ZCCHC17: variants seen among roughly 807,000 people sequenced by gnomAD.
The protein encoded by ZCCHC17 is zinc finger CCHC-type containing 17.
Under a neutral mutation model 30.6 loss-of-function variants are expected in ZCCHC17, and 18 were observed. The ratio of observed to expected loss-of-function variants is 0.59; its 90% CI spans 0.41 to 0.87. ZCCHC17 has a LOEUF of 0.87. ZCCHC17 is among the 40% of genes least tolerant of loss of function. The pLI is 0.00. For synonymous variants in ZCCHC17, 88 were observed against 92.4 expected, an observed-to-expected ratio of 0.95 and a Z score of 0.27; for missense variants, 263 against 284.2, an observed-to-expected ratio of 0.93 and a Z score of 0.54.
chr1:31,305,389 C>T (rs1376079933), intron 1 of ZCCHC17, among the ~76,000 whole-genome samples: 1 of 152,122 alleles, frequency 6.6e-6, no homozygotes, highest in African/African-American at 2.4e-5. Context: ...AAGTGATCCT[C>T]CTGCCTCAGC....
At chr1:31,321,736 G>C (rs1211361724) in intron 3 of ZCCHC17, among the ~76,000 whole-genome samples, 1 of 152,070 alleles carries the variant, frequency 6.6e-6, no homozygotes, top group Non-Finnish European at 1.5e-5. Flanking sequence ...CAGAGTGCTG[G>C]GATTAAAGGT....
rs142537261 is a variant in ZCCHC17 at position 31,319,699 on chromosome 1, C to T, written c.124+533C>T. 7.9e-3 allele frequency among the ~76,000 whole-genome samples: 1,194 copies of T among 152,072 alleles called. 22 individuals carry two copies. The highest frequency in any genetic ancestry group is 0.026 in the African/African-American group (1,098 of 41,458). ...AGCCGAAAAGGCAGGTTCCACAGAC[C>T]GGTTGTCTGCCCAGAGTGATTTGGC... On this transcript the variant is annotated intron_variant, in intron 3 of 7. Transcript: ENST00000344147.
chr1:31,333,755 G>A (rs914733857), intron 3 of ZCCHC17, among the ~76,000 whole-genome samples: 7 of 152,136 alleles, frequency 4.6e-5, no homozygotes, highest in African/African-American at 1.7e-4. Context: ...TGGTTATATG[G>A]AATCAGGTGA....
chr1:31,356,978 T>G (rs943210403), intron 7 of ZCCHC17, among the ~76,000 whole-genome samples: 1 of 152,226 alleles, frequency 6.6e-6, no homozygotes, highest in Non-Finnish European at 1.5e-5. Flanking sequence ...GGTCTGTGCT[T>G]TACTGGCCTC....
At chr1:31,313,068 CTTT>C (rs59004055) in intron 2 of ZCCHC17, among the ~76,000 whole-genome samples, 5 of 113,486 alleles carry the variant, frequency 4.4e-5, no homozygotes, top group African/African-American at 1.0e-4. Context: ...CACTGGGCCT[CTTT>C]TTTTTTTTTT....
chr1:31,313,068 CT>C (rs59004055), intron 2 of ZCCHC17, among the ~76,000 whole-genome samples: 6,356 of 113,376 alleles, frequency 0.056, 172 homozygotes, highest in South Asian at 0.2. Context: ...CACTGGGCCT[CT>C]TTTTTTTTTT....
At chr1:31,312,140 C>G (rs1484215891) in intron 2 of ZCCHC17, among the ~76,000 whole-genome samples, 4 of 152,186 alleles carry the variant, frequency 2.6e-5, no homozygotes, top group Non-Finnish European at 4.4e-5. Flanking sequence ...TATAGCAGCA[C>G]CAACAGACTA....
At chr1:31,361,256 G>C (rs1327137678) in intron 7 of ZCCHC17, among the ~76,000 whole-genome samples, 1 of 152,162 alleles carries the variant, frequency 6.6e-6, no homozygotes, top group Non-Finnish European at 1.5e-5. Context: ...AGGAAGAATT[G>C]TTATTTCATC....
intron 3 of ZCCHC17, among the ~76,000 whole-genome samples, chr1:31,320,569 C>T (rs763520209): frequency 1.3e-5 from 2 of 152,170 alleles, no homozygotes; most frequent in Non-Finnish European, 2.9e-5. Flanking sequence ...TGGAATAATG[C>T]AGTATATAGT....
At chr1:31,335,402 G>A (rs571822591) in intron 3 of ZCCHC17, among the ~76,000 whole-genome samples, 44 of 152,322 alleles carry the variant, frequency 2.9e-4, no homozygotes, top group African/African-American at 9.6e-4. Context: ...TTGAGACAAA[G>A]TCTCGCTCTG....
intron 1 of ZCCHC17, among the ~76,000 whole-genome samples, chr1:31,300,587 A>G (rs971257560): frequency 1.3e-5 from 2 of 152,138 alleles, no homozygotes; most frequent in African/African-American, 2.4e-5. Context: ...TGGAATGATG[A>G]TATCTGATAT....
rs1639521201 is a variant in ZCCHC17, at chr1:31,352,985, A to G, written c.564+4011A>G. Among the ~76,000 whole-genome samples, 3 of 152,334 alleles carry G rather than the reference A, an allele frequency of 2.0e-5. No homozygotes were observed. In the South Asian group the frequency reaches 6.2e-4, roughly 32 times the overall value. On this transcript the variant is annotated intron_variant, in intron 7 of 7. Transcript: ENST00000344147. ...TTCCCATTGTACGTTCCCATCAATA[A>G]TGCACAAGGGTTCAAGTGTCACTAC...
chr1:31,345,046 A>C (rs1348951078), intron 5 of ZCCHC17, among the ~76,000 whole-genome samples: 1 of 150,364 alleles, frequency 6.7e-6, no homozygotes, highest in African/African-American at 2.5e-5. Context: ...TTTTTAAGTA[A>C]AAGGAATCTG....
At chr1:31,317,420 T>C (rs567503597) in intron 2 of ZCCHC17, among the ~76,000 whole-genome samples, 37 of 152,324 alleles carry the variant, frequency 2.4e-4, no homozygotes, top group South Asian at 6.2e-4. Context: ...AGCTACACTT[T>C]GTTGAATGTC....
intron 7 of ZCCHC17, among the ~76,000 whole-genome samples, chr1:31,359,052 G>A (rs940348819): frequency 6.6e-6 from 1 of 152,156 alleles, no homozygotes; most frequent in Admixed American, 6.5e-5. Flanking sequence ...AAGATGGTCT[G>A]TATCCATCTT....
intron 6 of ZCCHC17, among the ~76,000 whole-genome samples, chr1:31,348,003 A>T (rs1337653302): frequency 8.9e-6 from 1 of 112,782 alleles, no homozygotes; most frequent in Non-Finnish European, 2.1e-5. Flanking sequence ...AGAGCATAGC[A>T]TCTGTTAAAG....
chr1:31,318,964 T>A, intron 2 of ZCCHC17, 145 bp from the exon 3 acceptor site: 2 of 883,170 alleles, frequency 2.3e-6, no homozygotes, highest in Non-Finnish European at 3.3e-6. Context: ...CCAGAAAGAA[T>A]GTTTGACAGA....
intron 3 of ZCCHC17, among the ~76,000 whole-genome samples, chr1:31,334,329 CTCTCTCTCTGTGTGTGTG>C (rs1193312704): frequency 2.3e-4 from 14 of 61,296 alleles, no homozygotes; most frequent in African/African-American, 9.5e-4. Context: ...CTCTCTCTCT[CTCTCTCTCTGTGTGTGTG>C]TGTGTGTGTG....
chr1:31,331,937 T>C (rs1638610221), intron 3 of ZCCHC17, among the ~76,000 whole-genome samples: 1 of 152,112 alleles, frequency 6.6e-6, no homozygotes, highest in Non-Finnish European at 1.5e-5. Context: ...GAGGAAGTGA[T>C]AGTACACTAA....
Sources: gnomAD v4.1 joint callset for allele counts (sites outside exome capture counted in the v4.1 genomes callset) on GRCh38, gnomAD v4.1.1 for gene constraint, MANE v1.5 for transcripts, NCBI Gene and HGNC (gene_info 2026-07-23, HGNC 2026-07-21) for gene names.